Variants in RRP8 observed in about 807,000 individuals in gnomAD.
The protein encoded by RRP8 is ribosomal RNA processing 8.
RRP8 carries 48 observed loss-of-function variants against 45.0 expected under a neutral mutation model. The observed-to-expected ratio is 1.07, with a 90% CI of 0.85 to 1.36. The LOEUF (loss-of-function observed/expected upper bound fraction) is 1.36. Ranked by LOEUF, RRP8 falls within the 40% of genes most tolerant of loss-of-function variation. RRP8 has a pLI of 0.00. For missense variants in RRP8, 658 were observed against 573.7 expected, an observed-to-expected ratio of 1.15 and a Z score of -1.50; for synonymous variants, 274 against 212.4, an observed-to-expected ratio of 1.29 and a Z score of -2.52.
rs1342336247 is a variant in RRP8 at position 6,599,032 on chromosome 11, G to C, written c.*1114C>G. 1.3e-5 allele frequency: 2 copies of C among 152,292 alleles called. No individual in the cohort carries two copies. Among genetic ancestry groups the C allele is most frequent in the Non-Finnish European group, 2.9e-5 (2 of 68,084 alleles). 9.4% of individuals were successfully genotyped at this position (152,292 alleles called of 1,614,324 possible). A position where few individuals can be genotyped will look rare whatever the true frequency, so the allele number is the denominator to read the frequency against. On this transcript the variant is annotated 3_prime_UTR_variant, in exon 7 of 7. Coordinates refer to ENST00000254605, the MANE Select transcript of RRP8 (RefSeq NM_015324.4). Reference sequence around the variant, plus strand: ...AGCCCAATGCCCCCAAGCCCACATGGCATCAACAAGTTGTTTATGAACAGA... The same window carrying C: ...AGCCCAATGCCCCCAAGCCCACATGCCATCAACAAGTTGTTTATGAACAGA...
chr11:6,601,811 C>A, intron 2 of RRP8, 41 bp downstream of exon 2: 1 of 1,551,354 alleles, frequency 6.4e-7, no homozygotes, highest in Non-Finnish European at 8.7e-7. Context: ...CCCCCCGACA[C>A]ACACACACCA....
Position 6,601,788 on chromosome 11 carries a change from T to A in RRP8, c.463+64A>T, listed in dbSNP as rs1253482369. On this transcript the variant is annotated intron_variant, in intron 2 of 6. Coordinates refer to ENST00000254605, the MANE Select transcript of RRP8 (RefSeq NM_015324.4). ...GGCAGTGGATAATCACTCTTGTATG[T>A]AGAACCAGCTGACCCCCCGACACAC... The A allele has an allele frequency of 5.3e-6, 8 of 1,515,746 alleles. 1 individual carries two copies. In the South Asian group the frequency reaches 1.0e-4, roughly 20 times the overall value. 93.9% of individuals were successfully genotyped at this position (1,515,746 alleles called of 1,614,324 possible).
rs761315233 is a variant in RRP8, at chr11:6,603,492, T to G, written c.11A>C (p.Glu4Ala). ...TGGGGCCGCCTCGGCCCACTCAGGC[T>G]CTTCGAACATGAGGGTCGGGAGGGC... MFE[E>A]PEWAEAAPVA... The change falls in exon 1 of 7, where the codon GAG becomes GCG. Residue 4 changes from glutamate (E) to alanine (A), a missense_variant. Coordinates refer to ENST00000254605, the MANE Select transcript of RRP8 (RefSeq NM_015324.4). The G allele has an allele frequency of 3.8e-6, 6 of 1,589,054 alleles. No individual in the cohort carries two copies. The highest frequency in any genetic ancestry group is 3.5e-5 in the Admixed American group (2 of 56,402).
intron 1 of RRP8, 54 bp downstream of exon 1, chr11:6,603,350 C>A: frequency 1.5e-6 from 2 of 1,317,248 alleles, no homozygotes; most frequent in Non-Finnish European, 2.1e-6. Context: ...TGGGATCCAC[C>A]AATGTCCGCT....
chr11:6,601,699 G>A (rs1010336670), intron 2 of RRP8, 97 bp from the exon 3 acceptor site: 26 of 1,489,056 alleles, frequency 1.7e-5, no homozygotes, highest in African/African-American at 1.5e-4. Flanking sequence ...CTTTGAGATC[G>A]TGACTGTGGC....
chr11:6,603,574 G>T lies in RRP8; in HGVS notation c.-72C>A. On this transcript the variant is annotated 5_prime_UTR_variant, in exon 1 of 7. Transcript: ENST00000254605. ...GCACAGCGCTCCTCTGGAAGTCGGAGCGCTCAGACCTGCCAGAACCGACCC... is the reference window on the plus strand; with the variant it reads ...GCACAGCGCTCCTCTGGAAGTCGGATCGCTCAGACCTGCCAGAACCGACCC... 9.4e-7 allele frequency: 1 copy of T among 1,066,798 alleles called. No individual in the cohort carries two copies. The highest frequency in any genetic ancestry group is 1.3e-6 in the Non-Finnish European group (1 of 743,850). The allele number at this position is 1,066,798 out of a possible 1,614,324, so 66.1% of individuals were successfully genotyped here. A position where few individuals can be genotyped will look rare whatever the true frequency, so the allele number is the denominator to read the frequency against.
rs151324847 is a variant in RRP8, at chr11:6,603,417, G to A, written c.86C>T (p.Ser29Phe). Residue 29 changes from serine (S) to phenylalanine (F), a missense_variant, in exon 1 of 7, where the codon TCC (serine) becomes TTC (phenylalanine). By Grantham distance (155) the Ser-to-Phe change is radical (BLOSUM62 -2). Coordinates refer to ENST00000254605, the MANE Select transcript of RRP8 (RefSeq NM_015324.4). ...CGAGTCACTCACCTTGTTTTGCGAG[G>A]AGGCCGCAGGCGGAGGTCGTGAGAT... Reference protein sequence around the residue: ...PVISRPPPAASSQNKGSKRRQ... With the variant: ...PVISRPPPAAFSQNKGSKRRQ... 9 of 1,603,162 alleles carry A rather than the reference G, an allele frequency of 5.6e-6. No individual in the cohort carries two copies. The African/African-American group carries it at 1.1e-4, about 19-fold the overall frequency.
chr11:6,600,111 G>T lies in RRP8; in HGVS notation c.*35C>A. On this transcript the variant is annotated 3_prime_UTR_variant, in exon 7 of 7. Coordinates refer to ENST00000254605, the MANE Select transcript of RRP8 (RefSeq NM_015324.4). ...CTTCACAGTTCTGAGCCTGGAGTTT[G>T]AGATCTGCCTCCCCTTTCAAGGAAG... is the stretch of plus-strand genomic sequence containing the variant. 7.3e-7 allele frequency: 1 copy of T among 1,374,270 alleles called. No individual in the cohort carries two copies. Among genetic ancestry groups the T allele is most frequent in the Non-Finnish European group, 1.0e-6 (1 of 1,004,456 alleles). 85.1% of individuals were successfully genotyped at this position (1,374,270 alleles called of 1,614,324 possible).
At position 6,600,766 on chromosome 11, in the gene RRP8, C is replaced by T. The variant is rs1173796450; in HGVS notation, c.1057G>A (p.Glu353Lys). 1 of 1,613,882 alleles carries T rather than the reference C, an allele frequency of 6.2e-7. No individual in the cohort carries two copies. ...ACAGCCACATCCACAGACTCATCCTCCAGAGGAACCTGTGGAGAGTGAGAG... is the reference window on the plus strand; with the variant it reads ...ACAGCCACATCCACAGACTCATCCTTCAGAGGAACCTGTGGAGAGTGAGAG... ...TVCDMAQVPL[E>K]DESVDVAVFC... is the part of the protein sequence containing the mutation. The change falls in exon 5 of 7, where the codon GAG becomes AAG. Residue 353 changes from glutamate to lysine, a missense_variant. Coordinates refer to ENST00000254605, the MANE Select transcript of RRP8 (RefSeq NM_015324.4).
At position 6,603,454 on chromosome 11, in the gene RRP8, G is replaced by A; in HGVS notation, c.49C>T (p.Leu17Phe). 6.2e-7 allele frequency: 1 copy of A among 1,604,414 alleles called. No homozygotes were observed. The highest frequency in any genetic ancestry group is 8.5e-7 in the Non-Finnish European group (1 of 1,176,584). ...WAEAAPVAAG[L>F]GPVISRPPPA... is the part of the protein sequence containing the mutation. ...GGAGGTCGTGAGATTACGGGCCCAA[G>A]GCCCGCGGCTACTGGGGCCGCCTCG... is the stretch of plus-strand genomic sequence containing the variant. Residue 17 changes from leucine (L) to phenylalanine (F), a missense_variant, in exon 1 of 7, where the codon CTT becomes TTT. Physicochemically the swap from Leu to Phe is conservative, Grantham distance 22. Transcript: ENST00000254605.
In RRP8 at chr11:6,596,060, A is replaced by T. The variant is rs1356868044; in HGVS notation, c.*4086T>A. 1 of 152,232 alleles carries T rather than the reference A, an allele frequency of 6.6e-6. No homozygotes were observed. Among genetic ancestry groups the T allele is most frequent in the African/African-American group, 2.4e-5 (1 of 41,456 alleles). The allele number at this position is 152,232 out of a possible 1,614,324, so 9.4% of individuals were successfully genotyped here. On this transcript the variant is annotated 3_prime_UTR_variant, in exon 7 of 7. Transcript: ENST00000254605. Reference sequence around the variant, plus strand: ...CACCCTTTAACTGCCTTGGTCTAGTATTGAAACATCACTTCCACTCATTTT... The same window carrying T: ...CACCCTTTAACTGCCTTGGTCTAGTTTTGAAACATCACTTCCACTCATTTT...
chr11:6,601,706 T>C (rs1393218217), intron 2 of RRP8, 104 bp from the exon 3 acceptor site: 3 of 1,484,752 alleles, frequency 2.0e-6, no homozygotes, highest in Non-Finnish European at 2.7e-6. Flanking sequence ...ATCGTGACTG[T>C]GGCCTGCAGA....
In RRP8 at chr11:6,602,230, G is replaced by GGGAT; in HGVS notation, c.100-19_100-16dup. 6.5e-7 allele frequency: 1 copy of GGGAT among 1,534,398 alleles called. No individual in the cohort carries two copies. Among genetic ancestry groups the GGGAT allele is most frequent in the African/African-American group, 1.4e-5 (1 of 72,302 alleles). On this transcript the variant is annotated splice_polypyrimidine_tract_variant and intron_variant, in intron 1 of 6. Transcript: ENST00000254605. The stretch of plus-strand genomic sequence containing the variant: ...CGCTTGGAGCCCTGGAGGAAAACAG[G>GGGAT]GGATGACAGTGGGCCTAAAGAGAAT...
In RRP8 at chr11:6,596,431, T is replaced by A. The variant is rs185518317; in HGVS notation, c.*3715A>T. On this transcript the variant is annotated 3_prime_UTR_variant, in exon 7 of 7. Transcript: ENST00000254605. ...GCAAGATCACACGGGGCCTGAAAAGTTTGTCTTTTGTTCTCGAGGCAGTGA... is the reference window on the plus strand; with the variant it reads ...GCAAGATCACACGGGGCCTGAAAAGATTGTCTTTTGTTCTCGAGGCAGTGA... The A allele has an allele frequency of 6.6e-6, 1 of 152,354 alleles. No individual in the cohort carries two copies. Among genetic ancestry groups the A allele is most frequent in the Non-Finnish European group, 1.5e-5 (1 of 68,034 alleles). 9.4% of individuals were successfully genotyped at this position (152,354 alleles called of 1,614,324 possible).
chr11:6,603,264 G>A, intron 1 of RRP8, 140 bp downstream of exon 1: 1 of 609,110 alleles, frequency 1.6e-6, no homozygotes, highest in East Asian at 3.3e-5. Context: ...GTTTCTTTTG[G>A]AAGTTCTCGG....
chr11:6,600,742 C>G lies in RRP8; in HGVS notation c.1081G>C (p.Val361Leu), dbSNP rs754473108. Reference protein sequence around the residue: ...PLEDESVDVAVFCLSLMGTNI... With the variant: ...PLEDESVDVALFCLSLMGTNI... ...GTTCCCATCAGTGAAAGGCAAAACA[C>G]AGCCACATCCACAGACTCATCCTCC... The change falls in exon 5 of 7, where the codon GTG becomes CTG. Residue 361 changes from valine (V) to leucine (L), a missense_variant. Physicochemically the swap from Val to Leu is conservative, Grantham distance 32. Coordinates refer to ENST00000254605, the MANE Select transcript of RRP8 (RefSeq NM_015324.4). 6.2e-7 allele frequency: 1 copy of G among 1,614,082 alleles called. No individual in the cohort carries two copies. The highest frequency in any genetic ancestry group is 1.1e-5 in the South Asian group (1 of 91,074).
chr11:6,596,916 C>T lies in RRP8; in HGVS notation c.*3230G>A, dbSNP rs1466487759. 3 of 152,302 alleles carry T rather than the reference C, an allele frequency of 2.0e-5. No homozygotes were observed. The East Asian group carries it at 5.8e-4, about 29-fold the overall frequency. 9.4% of individuals were successfully genotyped at this position (152,302 alleles called of 1,614,324 possible). On this transcript the variant is annotated 3_prime_UTR_variant, in exon 7 of 7. Coordinates refer to ENST00000254605, the MANE Select transcript of RRP8 (RefSeq NM_015324.4). ...CAAGCATGAGGCACGGATAACCAAA[C>T]CCAATTTTATTCTTGTCTCTTACCA...
In RRP8 at chr11:6,602,078, T is replaced by C. The variant is rs1205693921; in HGVS notation, c.237A>G (p.Ala79=). 1.2e-6 allele frequency: 2 copies of C among 1,613,632 alleles called. No homozygotes were observed. The highest frequency in any genetic ancestry group is 2.2e-5 in the East Asian group (1 of 44,890). Residue 79 remains alanine (A), a synonymous_variant, in exon 2 of 7, where the codon GCA becomes GCG. Transcript: ENST00000254605. Reference sequence around the variant, plus strand: ...CTTCAGCAGAGGCACTGGCAAATGATGCCTTTTTGGGGCATTTCTTCTTCC... The same window carrying C: ...CTTCAGCAGAGGCACTGGCAAATGACGCCTTTTTGGGGCATTTCTTCTTCC... The part of the protein sequence containing the change: ...EERKKKCPKK[A]SFASASAEVG...
At position 6,602,115 on chromosome 11, in the gene RRP8, T is replaced by C; in HGVS notation, c.200A>G (p.Glu67Gly). Residue 67 changes from glutamate (E) to glycine (G), a missense_variant, in exon 2 of 7, where the codon GAG (glutamate) becomes GGG (glycine). Glu to Gly is a moderately conservative substitution (Grantham distance 98). Coordinates refer to ENST00000254605, the MANE Select transcript of RRP8 (RefSeq NM_015324.4). ...PSLCISDSEE[E>G]EEERKKKCPK... is the part of the protein sequence containing the mutation. ...GCATTTCTTCTTCCTTTCCTCCTCC[T>C]CCTCCTCAGAGTCACTTATACATAG... 1 of 1,612,978 alleles carries C rather than the reference T, an allele frequency of 6.2e-7. No individual in the cohort carries two copies. The highest frequency in any genetic ancestry group is 8.5e-7 in the Non-Finnish European group (1 of 1,179,270).
Sources: gnomAD v4.1 joint callset for allele counts on GRCh38, gnomAD v4.1.1 for gene constraint, MANE v1.5 for transcripts, NCBI Gene and HGNC (gene_info 2026-07-23, HGNC 2026-07-21) for gene names.